The following SRCAP variants were observed in gnomAD, a reference collection of about 807,000 sequenced individuals.
The protein encoded by SRCAP is chromatin remodeling protein SRCAP.
Under a neutral mutation model 263.1 loss-of-function variants are expected in SRCAP, and 46 were observed. The observed-to-expected ratio is 0.17, with a 90% CI of 0.14 to 0.22. The LOEUF (loss-of-function observed/expected upper bound fraction) is 0.22. Among genes scored for constraint, SRCAP ranks in the 10% least tolerant of loss-of-function variants. SRCAP has a pLI of 1.00. For synonymous variants in SRCAP, 1,813 were observed against 1,662.1 expected (o/e 1.09, Z -2.21); for missense variants, 3,695 against 4,181.9 (o/e 0.88, Z 3.21).
intron 6 of SRCAP, among the ~76,000 whole-genome samples, chr16:30,707,973 C>G (rs979674075): frequency 6.6e-6 from 1 of 152,154 alleles, no homozygotes; most frequent in South Asian, 2.1e-4. Context: ...GTATTTGTGC[C>G]ACTTAGCACA....
intron 5 of SRCAP, 73 bp downstream of exon 5, chr16:30,707,441 C>T: frequency 6.2e-7 from 1 of 1,601,194 alleles, no homozygotes. Flanking sequence ...GGAAGGGGAC[C>T]AGACAGAATG....
intron 24 of SRCAP, 23 bp downstream of exon 24, chr16:30,723,252 A>G: frequency 1.3e-6 from 2 of 1,574,632 alleles, no homozygotes; most frequent in African/African-American, 1.4e-5. Flanking sequence ...GGCTGAGGCC[A>G]GAAATCCTTG....
intron 3 of SRCAP, 94 bp from the exon 4 acceptor site, chr16:30,703,970 G>GT: frequency 1.4e-6 from 2 of 1,448,688 alleles, no homozygotes; most frequent in Non-Finnish European, 9.3e-7. Flanking sequence ...ACTCTACACA[G>GT]TTTTTTCTTG....
chr16:30,722,360 A>T, intron 22 of SRCAP, 74 bp downstream of exon 22: 1 of 1,564,704 alleles, frequency 6.4e-7, no homozygotes, highest in Non-Finnish European at 8.7e-7. Context: ...ACTTTTTTGA[A>T]TGTCAGCCTT....
Position 30,720,699 on chromosome 16 carries a change from A to AT in SRCAP, c.2988-8dup, listed in dbSNP as rs751474696. The AT allele has an allele frequency of 1.3e-6, 2 of 1,576,854 alleles. No homozygotes were observed. Among genetic ancestry groups the AT allele is most frequent in the Admixed American group, 3.6e-5 (2 of 55,266 alleles). On this transcript the variant is annotated splice_polypyrimidine_tract_variant and intron_variant, in intron 19 of 33. Coordinates refer to ENST00000262518, the MANE Select transcript of SRCAP (RefSeq NM_006662.3). ...CCTTCTGTCCCTACCCACTCTCTTA[A>AT]TTTTTTCTCACAGGATGCTGCAGCC...
chr16:30,730,293 T>C lies in SRCAP; in HGVS notation c.6127+721T>C, dbSNP rs546034130. On this transcript the variant is annotated intron_variant, in intron 27 of 33. Transcript: ENST00000262518. ...CTTGGAAAAGACAAGGACCTTTTTG[T>C]GTTGACTAGAATTATTTGGCGGTAA... 4.0e-5 allele frequency among the ~76,000 whole-genome samples: 6 copies of C among 151,810 alleles called. No individual in the cohort carries two copies. The South Asian group carries it at 6.2e-4, about 16-fold the overall frequency.
In SRCAP at chr16:30,709,866, C is replaced by T. The variant is rs367675724; in HGVS notation, c.872C>T (p.Pro291Leu). 1.2e-6 allele frequency: 2 copies of T among 1,614,118 alleles called. No individual in the cohort carries two copies. Among genetic ancestry groups the T allele is most frequent in the African/African-American group, 1.3e-5 (1 of 75,016 alleles). ...CCTGCTATAGATGGGGACTTTCAAC[C>T]CCAAGAGGATGAGGAAGAGGATGAT... The part of the protein sequence containing the change: ...RLDDEDGDFQ[P>L]QEDEEEDDEE... The change falls in exon 8 of 34, where the codon CCC (proline) becomes CTC (leucine). Residue 291 changes from proline to leucine, a missense_variant. Around this residue, in one of 12 missense-constraint regions of SRCAP, gnomAD observed 44 missense variants for 42.9 expected, o/e 1.03. Coordinates refer to ENST00000262518, the MANE Select transcript of SRCAP (RefSeq NM_006662.3).
chr16:30,721,695 A>G (rs1309482661), intron 21 of SRCAP, among the ~76,000 whole-genome samples: 1 of 152,208 alleles, frequency 6.6e-6, no homozygotes, highest in Non-Finnish European at 1.5e-5. Context: ...CCCTGTGTCA[A>G]AAAAAATTGA....
chr16:30,715,579 A>G (rs116839894), intron 16 of SRCAP, among the ~76,000 whole-genome samples: 1,990 of 151,678 alleles, frequency 0.013, 38 homozygotes, highest in African/African-American at 0.044. Flanking sequence ...AAAAAAAAAA[A>G]AGAAAACAGG....
chr16:30,721,555 A>C, intron 21 of SRCAP, 79 bp downstream of exon 21: 1 of 1,528,632 alleles, frequency 6.5e-7, no homozygotes, highest in Non-Finnish European at 8.8e-7. Context: ...AATTTTAGGC[A>C]GCTGGGTCAG....
chr16:30,734,385 C>T (rs146989997), intron 30 of SRCAP, 111 bp from the exon 31 acceptor site: 6 of 1,478,520 alleles, frequency 4.1e-6, no homozygotes, highest in South Asian at 3.8e-5. Flanking sequence ...CACAGACGTG[C>T]GTCTTCAACC....
chr16:30,723,168 C>A lies in SRCAP; in HGVS notation c.4098C>A (p.Pro1366=). ...PTLGTARAPM[P]TPTLVRPLLK... ...TGGGTACTGCTCGAGCCCCCATGCC[C>A]ACACCCACTCTGGTGAGGCCTCTTC... is the stretch of plus-strand genomic sequence containing the variant. The change falls in exon 24 of 34, where the codon CCC becomes CCA. Residue 1366 remains proline, a synonymous_variant. Transcript: ENST00000262518. 1.9e-6 allele frequency: 3 copies of A among 1,614,130 alleles called. No homozygotes were observed. The highest frequency in any genetic ancestry group is 2.5e-6 in the Non-Finnish European group (3 of 1,180,016).
At position 30,724,044 on chromosome 16, in the gene SRCAP, C is replaced by T. The variant is rs768063013; in HGVS notation, c.4620C>T (p.Thr1540=). ...CACATGTTCCAGGGTTGAACTCAAC[C>T]GTGGCCCCAGCATGCTCACCTGTCC... ...TSSHVPGLNS[T]VAPACSPVLV... Residue 1540 remains threonine, a synonymous_variant, in exon 25 of 34, where the codon ACC becomes ACT. Transcript: ENST00000262518. 9.3e-6 allele frequency: 15 copies of T among 1,613,806 alleles called. 1 individual carries two copies. Among genetic ancestry groups the T allele is most frequent in the Middle Eastern group, 3.3e-4 (2 of 6,062 alleles).
In SRCAP at chr16:30,724,293, T is replaced by A; in HGVS notation, c.4869T>A (p.Ala1623=). ...CGCCAGGTGCTGCTCCTGTCCTGGCTTCATCACAGACTCCGGTTCCAGTTA... is the reference window on the plus strand; with the variant it reads ...CGCCAGGTGCTGCTCCTGTCCTGGCATCATCACAGACTCCGGTTCCAGTTA... The part of the protein sequence containing the change: ...APSPGAAPVL[A]SSQTPVPVMA... The change falls in exon 25 of 34, where the codon GCT becomes GCA. Residue 1623 remains alanine, a synonymous_variant. Transcript: ENST00000262518. The A allele has an allele frequency of 1.2e-6, 2 of 1,614,126 alleles. No homozygotes were observed. The highest frequency in any genetic ancestry group is 1.7e-6 in the Non-Finnish European group (2 of 1,180,020).
In SRCAP at chr16:30,731,453, C is replaced by T. The variant is rs145864743; in HGVS notation, c.6128-1827C>T. Among the ~76,000 whole-genome samples the T allele has an allele frequency of 4.5e-3, 680 of 152,070 alleles. 4 individuals carry two copies. Among genetic ancestry groups the T allele is most frequent in the African/African-American group, 0.016 (644 of 41,456 alleles). ...ACATGTTTCGAGATTTTTTAAATTT[C>T]CTAGAATATAAGAAAATCAAAATTT... is the stretch of plus-strand genomic sequence containing the variant. On this transcript the variant is annotated intron_variant, in intron 27 of 33. Transcript: ENST00000262518.
chr16:30,729,249 C>T lies in SRCAP; in HGVS notation c.5924+18C>T, dbSNP rs1273820782. 1.2e-6 allele frequency: 2 copies of T among 1,600,348 alleles called. No individual in the cohort carries two copies. Among genetic ancestry groups the T allele is most frequent in the South Asian group, 1.1e-5 (1 of 89,900 alleles). The stretch of plus-strand genomic sequence containing the variant: ...ATTGAGAGGTTGGCAGGGCTAAGTG[C>T]TAATGGGGAGTGGGTCTTGGGGCCT... On this transcript the variant is annotated intron_variant, in intron 26 of 33. Coordinates refer to ENST00000262518, the MANE Select transcript of SRCAP (RefSeq NM_006662.3).
chr16:30,710,267 CTG>C (rs2052873210), intron 8 of SRCAP, 139 bp downstream of exon 8: 1 of 928,330 alleles, frequency 1.1e-6, no homozygotes, highest in Non-Finnish European at 1.6e-6. Context: ...TTGGGGATGA[CTG>C]GGGAAGAATC....
chr16:30,708,986 T>C (rs905007821), intron 6 of SRCAP, among the ~76,000 whole-genome samples: 5 of 151,796 alleles, frequency 3.3e-5, no homozygotes, highest in African/African-American at 1.2e-4. Context: ...GCCTGGCTAA[T>C]TTTTTATTTT....
rs2151293287 is a variant in SRCAP at position 30,722,271 on chromosome 16, C to A, written c.3691C>A (p.Pro1231Thr). Reference sequence around the variant, plus strand: ...GGTGCGCCAGCTTGCTGTGGGGCAGCCCCGCCCGCTGCAAAGTAGGTAAAA... The same window carrying A: ...GGTGCGCCAGCTTGCTGTGGGGCAGACCCGCCCGCTGCAAAGTAGGTAAAA... ...AQVRQLAVGQ[P>T]RPLQRNVVHL... Residue 1231 changes from proline to threonine, a missense_variant, in exon 22 of 34, where the codon CCC (proline) becomes ACC (threonine). Around this residue, in one of 12 missense-constraint regions of SRCAP, gnomAD observed 1,347 missense variants for 1,304.4 expected, o/e 1.03. Coordinates refer to ENST00000262518, the MANE Select transcript of SRCAP (RefSeq NM_006662.3). 2 of 1,613,810 alleles carry A rather than the reference C, an allele frequency of 1.2e-6. No individual in the cohort carries two copies. The highest frequency in any genetic ancestry group is 8.5e-7 in the Non-Finnish European group (1 of 1,179,916).
Sources: gnomAD v4.1 joint callset for allele counts (sites outside exome capture counted in the v4.1 genomes callset) on GRCh38, gnomAD v4.1.1 for gene constraint, gnomAD v4.1.1 regional missense constraint, MANE v1.5 for transcripts, NCBI Gene and HGNC (gene_info 2026-07-23, HGNC 2026-07-21) for gene names.